Variants in ABHD17C observed in about 807,000 individuals in gnomAD.
ABHD17C encodes the protein abhydrolase domain containing 17C, depalmitoylase.
In ABHD17C, 11 loss-of-function variants were observed where a neutral mutation model predicts 27.9. The observed-to-expected ratio is 0.39, with a 90% CI of 0.25 to 0.65. The LOEUF is 0.65. Ranked by LOEUF, ABHD17C falls within the 30% of genes least tolerant of loss-of-function variation. The pLI, the probability that ABHD17C is intolerant of heterozygous loss-of-function variation, is 0.45. For missense variants in ABHD17C, 280 were observed against 470.2 expected (o/e 0.60, Z 3.74); for synonymous variants, 233 against 209.1 (o/e 1.11, Z -0.98).
chr15:80,713,900 C>CCCCACA (rs762670035), intron 1 of ABHD17C, among the ~76,000 whole-genome samples: 1 of 141,048 alleles, frequency 7.1e-6, no homozygotes, highest in Admixed American at 7.1e-5. Flanking sequence ...CATATACAGA[C>CCCCACA]CACACACACA....
At chr15:80,748,546 A>G (rs902529293) in intron 1 of ABHD17C, among the ~76,000 whole-genome samples, 1 of 152,088 alleles carries the variant, frequency 6.6e-6, no homozygotes, top group Non-Finnish European at 1.5e-5. Context: ...CTATGTGTGT[A>G]TTAGACATTC....
chr15:80,727,887 G>A (rs956944591), intron 1 of ABHD17C, among the ~76,000 whole-genome samples: 1 of 152,172 alleles, frequency 6.6e-6, no homozygotes, highest in African/African-American at 2.4e-5. Context: ...ACTTCACTTT[G>A]CCACTCAAGA....
In ABHD17C at chr15:80,754,409, A is replaced by G. The variant is rs759235020; in HGVS notation, c.*39A>G. The G allele has an allele frequency of 6.5e-7, 1 of 1,550,156 alleles. No homozygotes were observed. Among genetic ancestry groups the G allele is most frequent in the African/African-American group, 1.4e-5 (1 of 73,608 alleles). ...ATCTTACCTCATTTACTGTGAACAG[A>G]AGAGTCCTCTGTTTTGCACATGCTT... On this transcript the variant is annotated 3_prime_UTR_variant, in exon 3 of 3. Coordinates refer to ENST00000258884, the MANE Select transcript of ABHD17C (RefSeq NM_021214.2).
intron 2 of ABHD17C, among the ~76,000 whole-genome samples, chr15:80,751,292 G>A (rs572386540): frequency 1.5e-4 from 23 of 152,144 alleles, no homozygotes; most frequent in African/African-American, 5.3e-4. Flanking sequence ...CCCAGGAGGC[G>A]GAGGTTGCAG....
chr15:80,750,820 G>A (rs1895356245), intron 2 of ABHD17C, among the ~76,000 whole-genome samples: 1 of 152,016 alleles, frequency 6.6e-6, no homozygotes, highest in South Asian at 2.1e-4. Flanking sequence ...CTGAAAGACG[G>A]ATACTTAGCA....
chr15:80,746,346 A>G (rs2064606200), intron 1 of ABHD17C, among the ~76,000 whole-genome samples: 1 of 151,860 alleles, frequency 6.6e-6, no homozygotes, highest in South Asian at 2.1e-4. Flanking sequence ...TGTGGCAAAT[A>G]TATTTTCCCA....
At chr15:80,719,899 A>G (rs533148030) in intron 1 of ABHD17C, among the ~76,000 whole-genome samples, 7 of 152,246 alleles carry the variant, frequency 4.6e-5, no homozygotes, top group South Asian at 2.1e-4. Context: ...CCAGGCTCCA[A>G]CAATCCTCCC....
chr15:80,711,286 A>T (rs1378553362), intron 1 of ABHD17C, among the ~76,000 whole-genome samples: 1 of 152,160 alleles, frequency 6.6e-6, no homozygotes, highest in Non-Finnish European at 1.5e-5. Flanking sequence ...AGGTCTCTGT[A>T]GGAGAGAGCA....
At chr15:80,747,626 A>G (rs1334640090) in intron 1 of ABHD17C, among the ~76,000 whole-genome samples, 2 of 152,184 alleles carry the variant, frequency 1.3e-5, no homozygotes, top group East Asian at 1.9e-4. Context: ...GCCCATGCTG[A>G]CCATTTTTTA....
At chr15:80,709,737 C>T (rs1415367636) in intron 1 of ABHD17C, among the ~76,000 whole-genome samples, 1 of 152,156 alleles carries the variant, frequency 6.6e-6, no homozygotes, top group Non-Finnish European at 1.5e-5. Context: ...CACCACTCTG[C>T]AGCAGCCCAC....
intron 1 of ABHD17C, among the ~76,000 whole-genome samples, chr15:80,715,443 C>T (rs1165953886): frequency 6.6e-6 from 1 of 152,164 alleles, no homozygotes; most frequent in Non-Finnish European, 1.5e-5. Context: ...TCAGTTTCCT[C>T]TTCTGTAAAG....
intron 1 of ABHD17C, among the ~76,000 whole-genome samples, chr15:80,720,643 G>A (rs975006006): frequency 3.7e-4 from 57 of 152,026 alleles, no homozygotes; most frequent in Admixed American, 3.4e-3. Context: ...ATTAATGGCC[G>A]GACGCAGTGG....
chr15:80,714,728 C>T (rs181812043), intron 1 of ABHD17C, among the ~76,000 whole-genome samples: 86 of 152,250 alleles, frequency 5.6e-4, no homozygotes, highest in African/African-American at 1.8e-3. Flanking sequence ...CACACAGACA[C>T]GCACAAATCG....
chr15:80,723,140 G>GTGTGTGTGTGTATATA (rs1447759435), intron 1 of ABHD17C, among the ~76,000 whole-genome samples: 1 of 94,880 alleles, frequency 1.1e-5, no homozygotes, highest in African/African-American at 7.3e-5. Flanking sequence ...GTGTATATAT[G>GTGTGTGTGTGTATATA]TGTGTGTGTG....
rs1400601708 is a variant in ABHD17C at position 80,695,469 on chromosome 15, G to A, written c.40G>A (p.Gly14Ser). 7.2e-7 allele frequency: 1 copy of A among 1,383,056 alleles called. No homozygotes were observed. 85.7% of individuals were successfully genotyped at this position (1,383,056 alleles called of 1,614,324 possible). A position where few individuals can be genotyped will look rare whatever the true frequency, so the allele number is the denominator to read the frequency against. The change falls in exon 1 of 3, where the codon GGT becomes AGT. Residue 14 changes from glycine to serine, a missense_variant. Gly to Ser is a moderately conservative substitution (Grantham distance 56, BLOSUM62 0). Transcript: ENST00000258884. This position sits in a 1 kb window ranked among gnomAD's most constrained non-coding sequence, Gnocchi z 4.3. ...CCCCAGGATGAACGGCTTCTCGCTG[G>A]GTGAGCTGTGCTGGCTCTTCTGCTG... ...PGPRMNGFSL[G>S]ELCWLFCCPP...
intron 1 of ABHD17C, among the ~76,000 whole-genome samples, chr15:80,716,538 G>T (rs574689876): frequency 7.8e-4 from 118 of 152,188 alleles, no homozygotes; most frequent in African/African-American, 2.8e-3. Flanking sequence ...AGCCTCTGTA[G>T]GTTTCTTGGT....
intron 1 of ABHD17C, among the ~76,000 whole-genome samples, chr15:80,744,867 C>T (rs1436776562): frequency 6.6e-6 from 1 of 152,106 alleles, no homozygotes; most frequent in Non-Finnish European, 1.5e-5. Flanking sequence ...TTGTAAGCTC[C>T]TTTTCATTGC....
chr15:80,725,942 G>A (rs1412899649), intron 1 of ABHD17C, among the ~76,000 whole-genome samples: 1 of 152,198 alleles, frequency 6.6e-6, no homozygotes, highest in Non-Finnish European at 1.5e-5. Context: ...AAATATAGAG[G>A]TGTGAAGTGG....
At chr15:80,710,924 G>A (rs185347056) in intron 1 of ABHD17C, among the ~76,000 whole-genome samples, 51 of 152,066 alleles carry the variant, frequency 3.4e-4, no homozygotes, top group Non-Finnish European at 2.2e-4. Flanking sequence ...GCTCAGGATT[G>A]TGGGGCAGGG....
Sources: allele counts gnomAD v4.1 joint callset (sites outside exome capture counted in the v4.1 genomes callset), GRCh38; gene constraint gnomAD v4.1.1; non-coding constraint Gnocchi (gnomAD v3.1); transcripts MANE v1.5; gene names NCBI Gene and HGNC (gene_info 2026-07-23, HGNC 2026-07-21).